Variants in ADAMDEC1 observed in about 807,000 individuals in gnomAD.
The protein encoded by ADAMDEC1 is ADAM DEC1.
Under a neutral mutation model 60.4 loss-of-function variants are expected in ADAMDEC1, and 62 were observed. That is an observed-to-expected ratio of 1.03 (90% CI 0.84 to 1.27). The LOEUF is 1.27. ADAMDEC1 is among the 50% of genes most tolerant of loss of function. The pLI is 0.00. For missense variants in ADAMDEC1, 595 were observed against 565.0 expected, an observed-to-expected ratio of 1.05 and a Z score of -0.54; for synonymous variants, 210 against 195.1, an observed-to-expected ratio of 1.08 and a Z score of -0.64.
chr8:24,403,994 G>T lies in ADAMDEC1; in HGVS notation c.1321-9G>T. The T allele has an allele frequency of 6.2e-7, 1 of 1,612,022 alleles. No homozygotes were observed. The highest frequency in any genetic ancestry group is 8.5e-7 in the Non-Finnish European group (1 of 1,178,680). The stretch of plus-strand genomic sequence containing the variant: ...ACCCACCTTTTTCCATTGTGTGTGT[G>T]CTTTGAAGGAGTGTACCAATCTCTG... On this transcript the variant is annotated splice_polypyrimidine_tract_variant and intron_variant, in intron 12 of 13. Coordinates refer to ENST00000256412, the MANE Select transcript of ADAMDEC1 (RefSeq NM_014479.3).
intron 12 of ADAMDEC1, among the ~76,000 whole-genome samples, chr8:24,403,577 T>G (rs1309333534): frequency 1.3e-5 from 2 of 152,150 alleles, no homozygotes; most frequent in Non-Finnish European, 2.9e-5. Context: ...ACTGATATTT[T>G]TACAATATTA....
intron 9 of ADAMDEC1, 126 bp from the exon 10 acceptor site, chr8:24,399,267 A>C (rs1353585005): frequency 9.1e-7 from 1 of 1,101,766 alleles, no homozygotes; most frequent in African/African-American, 1.6e-5. Context: ...GAATAGTAGA[A>C]GTTTTTTGGG....
chr8:24,388,442 T>C (rs1015057634), intron 1 of ADAMDEC1, among the ~76,000 whole-genome samples: 1 of 152,102 alleles, frequency 6.6e-6, no homozygotes, highest in Non-Finnish European at 1.5e-5. Context: ...AGTGGTCATT[T>C]TGGGGGCATC....
intron 1 of ADAMDEC1, chr8:24,387,708 T>A (rs1360795705): frequency 1.3e-5 from 2 of 152,178 alleles, no homozygotes; most frequent in African/African-American, 4.8e-5. Context: ...AGCTTGAAAA[T>A]CCCCTCAAAC....
intron 6 of ADAMDEC1, 66 bp from the exon 7 acceptor site, chr8:24,397,616 CT>C: frequency 6.5e-7 from 1 of 1,529,136 alleles, no homozygotes; most frequent in East Asian, 2.3e-5. Context: ...AACAAGTCTC[CT>C]TTTAAGCTTT....
At chr8:24,384,695 AC>A in intron 1 of ADAMDEC1, 103 bp downstream of exon 1, 1 of 1,035,440 alleles carries the variant, frequency 9.7e-7, no homozygotes, top group Non-Finnish European at 1.4e-6. Flanking sequence ...TGGTCGAAAG[AC>A]CATTACCATT....
intron 1 of ADAMDEC1, chr8:24,387,904 G>A (rs1817335828): frequency 6.6e-6 from 1 of 152,604 alleles, no homozygotes; most frequent in African/African-American, 2.4e-5. Flanking sequence ...AGAGCAGCTA[G>A]GTGACTGCCT....
Position 24,398,925 on chromosome 8 carries a change from TCTGATGGGGATAAGATAAAGGTGGTGC to T in ADAMDEC1, c.816_842del (p.Asp273_Pro281del). ...GGCCTTGGTAGGTATGGAAATCTGG[TCTGATGGGGATAAGATAAAGGTGGTGC>T]CCAGCGCAAGCACCACGTTTGACAA... On this transcript the variant is annotated inframe_deletion, in exon 9 of 14. Coordinates refer to ENST00000256412, the MANE Select transcript of ADAMDEC1 (RefSeq NM_014479.3). The T allele has an allele frequency of 6.2e-7, 1 of 1,613,880 alleles. No individual in the cohort carries two copies. The highest frequency in any genetic ancestry group is 8.5e-7 in the Non-Finnish European group (1 of 1,179,888).
chr8:24,391,798 T>C (rs888474183), intron 1 of ADAMDEC1, among the ~76,000 whole-genome samples: 1 of 152,062 alleles, frequency 6.6e-6, no homozygotes, highest in Non-Finnish European at 1.5e-5. Flanking sequence ...ATCTTTAGAG[T>C]ATATAATCAG....
rs766739257 is a variant in ADAMDEC1 at position 24,395,811 on chromosome 8, C to T, written c.440+15C>T. The T allele has an allele frequency of 3.1e-6, 5 of 1,587,510 alleles. No individual in the cohort carries two copies. The South Asian group carries it at 4.5e-5, about 14-fold the overall frequency. ...GACGGGTTGAGGTAAGAACTACCAT[C>T]AAAATTACTCAAGATCAAGAAGCTT... is the stretch of plus-strand genomic sequence containing the variant. On this transcript the variant is annotated intron_variant, in intron 5 of 13. Coordinates refer to ENST00000256412, the MANE Select transcript of ADAMDEC1 (RefSeq NM_014479.3).
intron 7 of ADAMDEC1, among the ~76,000 whole-genome samples, chr8:24,398,199 C>T (rs1817665825): frequency 6.6e-6 from 1 of 151,714 alleles, no homozygotes; most frequent in Non-Finnish European, 1.5e-5. Flanking sequence ...ATTTTAATCA[C>T]ATGATTCGGT....
Position 24,384,500 on chromosome 8 carries a change from A to T in ADAMDEC1, c.-5A>T. 6.2e-7 allele frequency: 1 copy of T among 1,603,292 alleles called. No homozygotes were observed. Among genetic ancestry groups the T allele is most frequent in the Non-Finnish European group, 8.5e-7 (1 of 1,174,156 alleles). On this transcript the variant is annotated 5_prime_UTR_variant, in exon 1 of 14. Transcript: ENST00000256412. ...AAAACTGGACACTGGGGAGACCACA[A>T]CTTCATGCTGCGTGGGATCTCCCAG...
intron 4 of ADAMDEC1, among the ~76,000 whole-genome samples, chr8:24,394,572 C>T (rs1470160535): frequency 6.6e-6 from 1 of 152,106 alleles, no homozygotes; most frequent in Non-Finnish European, 1.5e-5. Flanking sequence ...CTGATTAAAT[C>T]ATCATCCCGT....
chr8:24,399,317 C>T (rs185710673), intron 9 of ADAMDEC1, 76 bp from the exon 10 acceptor site: 34 of 1,424,280 alleles, frequency 2.4e-5, no homozygotes, highest in African/African-American at 9.8e-5. Context: ...CGAGGCAATT[C>T]GTTAATGTAA....
chr8:24,397,440 C>G lies in ADAMDEC1; in HGVS notation c.611C>G (p.Ser204Ter). Reference protein sequence around the residue: ...GKQGPIRISRSLKSPEKEDFL... With the variant: ...GKQGPIRISR ...CAAGGCCCAATTCGAATCTCTAGAT[C>G]ACTCAAAAGCCCAGAGGTGAATACA... Residue 204 changes from serine to a stop codon, truncating the protein, a stop_gained, in exon 6 of 14, where the codon TCA (serine) becomes TGA (stop). Coordinates refer to ENST00000256412, the MANE Select transcript of ADAMDEC1 (RefSeq NM_014479.3). LOFTEE classifies it high-confidence loss of function. 1 of 1,613,716 alleles carries G rather than the reference C, an allele frequency of 6.2e-7. No individual in the cohort carries two copies. Among genetic ancestry groups the G allele is most frequent in the East Asian group, 2.2e-5 (1 of 44,860 alleles).
chr8:24,392,547 T>A (rs1817472074), intron 2 of ADAMDEC1, among the ~76,000 whole-genome samples, 167 bp downstream of exon 2: 2 of 152,320 alleles, frequency 1.3e-5, no homozygotes, highest in Middle Eastern at 3.4e-3. Flanking sequence ...TTTCTCAGAA[T>A]GCTGCTATGG....
At position 24,398,885 on chromosome 8, in the gene ADAMDEC1, C is replaced by A. The variant is rs1310767978; in HGVS notation, c.774C>A (p.Thr258=). 1.2e-5 allele frequency: 19 copies of A among 1,613,504 alleles called. No homozygotes were observed. The highest frequency in any genetic ancestry group is 1.4e-5 in the Non-Finnish European group (17 of 1,179,830). The change falls in exon 9 of 14, where the codon ACC becomes ACA. Residue 258 remains threonine, a synonymous_variant. Coordinates refer to ENST00000256412, the MANE Select transcript of ADAMDEC1 (RefSeq NM_014479.3). ...TGCTCTTTCCACAGATATATAACAC[C>A]ATAGATGTTCAAGTGGCCTTGGTAG... ...VMNLLNVIYN[T]IDVQVALVGM... is the part of the protein sequence containing the mutation.
At chr8:24,386,492 G>A (rs996586968) in intron 1 of ADAMDEC1, among the ~76,000 whole-genome samples, 11 of 152,168 alleles carry the variant, frequency 7.2e-5, no homozygotes, top group Non-Finnish European at 1.5e-4. Flanking sequence ...GGGATTGCAA[G>A]AAGGTTTTAC....
intron 3 of ADAMDEC1, 48 bp downstream of exon 3, chr8:24,393,386 T>C (rs763170422): frequency 1.5e-6 from 2 of 1,325,970 alleles, no homozygotes; most frequent in South Asian, 2.6e-5. Flanking sequence ...GGTTATGAAA[T>C]TGGGGAGCAA....
Sources: allele counts gnomAD v4.1 joint callset (sites outside exome capture counted in the v4.1 genomes callset), GRCh38; gene constraint gnomAD v4.1.1; transcripts MANE v1.5; gene names NCBI Gene and HGNC (gene_info 2026-07-23, HGNC 2026-07-21).